Variants in GRIK1 observed in about 807,000 individuals in gnomAD.
GRIK1 encodes glutamate receptor ionotropic, kainate 1.
Under a neutral mutation model 105.7 loss-of-function variants are expected in GRIK1, and 69 were observed. The ratio of observed to expected loss-of-function variants is 0.65; its 90% CI spans 0.54 to 0.80. The LOEUF is 0.80. GRIK1 is among the 30% of genes least tolerant of loss of function. GRIK1 has a pLI of 0.00. For synonymous variants in GRIK1, 438 were observed against 431.3 expected, an observed-to-expected ratio of 1.02 and a Z score of -0.19; for missense variants, 1,109 against 1,167.3, an observed-to-expected ratio of 0.95 and a Z score of 0.73.
intron 1 of GRIK1, among the ~76,000 whole-genome samples, chr21:29,923,484 A>C (rs1054046767): frequency 2.0e-5 from 3 of 152,254 alleles, no homozygotes; most frequent in Admixed American, 2.0e-4. Context: ...TGAACTCAAA[A>C]TAGAGAAGTG....
intron 1 of GRIK1, among the ~76,000 whole-genome samples, chr21:29,908,713 T>C (rs1189379298): frequency 6.6e-6 from 1 of 152,208 alleles, no homozygotes; most frequent in Non-Finnish European, 1.5e-5. Context: ...AGTAAACAGG[T>C]AACCAGTATT....
intron 1 of GRIK1, among the ~76,000 whole-genome samples, chr21:29,776,524 T>A (rs1321230337): frequency 6.6e-6 from 1 of 152,246 alleles, no homozygotes; most frequent in South Asian, 2.1e-4. Flanking sequence ...TACACATCTC[T>A]GTAGCACCCC....
intron 15 of GRIK1, among the ~76,000 whole-genome samples, chr21:29,560,368 C>T (rs12233313): frequency 0.034 from 685 of 20,328 alleles, 9 homozygotes; most frequent in Admixed American, 0.049. Flanking sequence ...TTTCTTTCTT[C>T]CTTCCTTCCT....
intron 4 of GRIK1, among the ~76,000 whole-genome samples, chr21:29,665,921 G>A (rs975514460): frequency 6.6e-5 from 10 of 152,140 alleles, no homozygotes; most frequent in East Asian, 5.8e-4. Context: ...AGTCAAACAC[G>A]TAGCATATTA....
chr21:29,932,430 C>T (rs1952045784), intron 1 of GRIK1, among the ~76,000 whole-genome samples: 1 of 151,926 alleles, frequency 6.6e-6, no homozygotes, highest in South Asian at 2.1e-4. Context: ...AAATATTGTC[C>T]AAGTAACTTG....
At position 29,560,343 on chromosome 21, in the gene GRIK1, C is replaced by CTT. The variant is rs1568813068; in HGVS notation, c.2356+1279_2356+1280dup. ...TCTTTCTTTCTTTCTTTCTTTCTTT[C>CTT]TTTCTTTCTTTCTTTTTCTTTCTTC... On this transcript the variant is annotated intron_variant, in intron 15 of 17. Transcript: ENST00000327783. Among the ~76,000 whole-genome samples, 5 of 109,352 alleles carry CTT rather than the reference C, an allele frequency of 4.6e-5. 1 individual carries two copies. The highest frequency in any genetic ancestry group is 1.2e-4 in the African/African-American group (3 of 25,602). The allele number at this position is 109,352 out of a possible 152,430, so 71.7% of individuals were successfully genotyped here.
chr21:29,696,526 A>G (rs1160187486), intron 1 of GRIK1, among the ~76,000 whole-genome samples: 3 of 152,226 alleles, frequency 2.0e-5, no homozygotes, highest in Non-Finnish European at 4.4e-5. Context: ...AGATGATGCA[A>G]AAGACACTTG....
In GRIK1 at chr21:29,588,841, G is replaced by A. The variant is rs1346295351; in HGVS notation, c.1567C>T (p.His523Tyr). ...WNGMVKELID[H>Y]RADLAVAPLT... Reference sequence around the variant, plus strand: ...ATGTTAGAAATATTGTTACTTACGTGATCTATGAGTTCTTTAACCATCCCG... The same window carrying A: ...ATGTTAGAAATATTGTTACTTACGTAATCTATGAGTTCTTTAACCATCCCG... Residue 523 changes from histidine (H) to tyrosine (Y), a missense_variant and splice_region_variant, in exon 11 of 18, where the codon CAC becomes TAC. Around this residue, in one of 5 missense-constraint regions of GRIK1, gnomAD observed 54 missense variants for 88.1 expected, o/e 0.61. Coordinates refer to ENST00000327783, the MANE Select transcript of GRIK1 (RefSeq NM_001330994.2). 2.0e-6 allele frequency: 3 copies of A among 1,516,024 alleles called. No individual in the cohort carries two copies. The African/African-American group carries it at 4.1e-5, about 21-fold the overall frequency. The allele number at this position is 1,516,024 out of a possible 1,614,324, so 93.9% of individuals were successfully genotyped here.
intron 7 of GRIK1, among the ~76,000 whole-genome samples, chr21:29,632,781 A>G (rs547151023): frequency 3.6e-4 from 55 of 152,210 alleles, no homozygotes; most frequent in Non-Finnish European, 7.8e-4. Flanking sequence ...ATAAATATCA[A>G]TGTTATTTAG....
chr21:29,836,221 A>G (rs913010981), intron 1 of GRIK1, among the ~76,000 whole-genome samples: 2 of 152,204 alleles, frequency 1.3e-5, no homozygotes, highest in African/African-American at 4.8e-5. Context: ...AGAAAATTGT[A>G]TTATTTCTTT....
intron 1 of GRIK1, among the ~76,000 whole-genome samples, chr21:29,711,002 T>G (rs186061009): frequency 9.7e-4 from 147 of 152,208 alleles, no homozygotes; most frequent in African/African-American, 3.4e-3. Flanking sequence ...TTGGTTTTGA[T>G]TCTTGTTTTG....
intron 1 of GRIK1, among the ~76,000 whole-genome samples, chr21:29,778,993 C>T (rs760611841): frequency 2.0e-5 from 3 of 152,130 alleles, no homozygotes; most frequent in Admixed American, 6.5e-5. Flanking sequence ...TCTTCTATTT[C>T]GAATTGTGAG....
intron 1 of GRIK1, among the ~76,000 whole-genome samples, chr21:29,855,343 C>G (rs1440243765): frequency 6.6e-6 from 1 of 152,218 alleles, no homozygotes; most frequent in Non-Finnish European, 1.5e-5. Context: ...ACTACACAGT[C>G]TGTCTGCAAC....
At chr21:29,570,872 G>A (rs1476244316) in intron 14 of GRIK1, among the ~76,000 whole-genome samples, 2 of 151,260 alleles carry the variant, frequency 1.3e-5, no homozygotes, top group African/African-American at 4.9e-5. Flanking sequence ...ACAAAGTGAG[G>A]TAGAATCTCA....
At chr21:29,712,105 C>T (rs1041180612) in intron 1 of GRIK1, among the ~76,000 whole-genome samples, 34 of 151,432 alleles carry the variant, frequency 2.2e-4, no homozygotes, top group African/African-American at 8.2e-4. Flanking sequence ...CACACACACA[C>T]ACACACACAC....
At chr21:29,908,491 C>T (rs1035492875) in intron 1 of GRIK1, among the ~76,000 whole-genome samples, 1 of 152,086 alleles carries the variant, frequency 6.6e-6, no homozygotes, top group Non-Finnish European at 1.5e-5. Context: ...GCAGAGCGTA[C>T]CTTCAGGAGT....
chr21:29,665,116 C>A (rs1470970132), intron 4 of GRIK1, among the ~76,000 whole-genome samples: 1 of 152,186 alleles, frequency 6.6e-6, no homozygotes. Context: ...GTTTTTCTCG[C>A]TTCCCAATTC....
At position 29,537,394 on chromosome 21, in the gene GRIK1, C is replaced by T; in HGVS notation, c.2695-9G>A. The T allele has an allele frequency of 1.9e-6, 3 of 1,603,286 alleles. No individual in the cohort carries two copies. Among genetic ancestry groups the T allele is most frequent in the Admixed American group, 1.7e-5 (1 of 58,728 alleles). On this transcript the variant is annotated splice_polypyrimidine_tract_variant and intron_variant, in intron 17 of 17. Coordinates refer to ENST00000327783, the MANE Select transcript of GRIK1 (RefSeq NM_001330994.2). ...GCGTTGAAAGAGAGACACTAGGGAA[C>T]ATGAGATACAGACCATCAGCTTAAT...
chr21:29,641,653 C>G (rs1362642192), intron 7 of GRIK1, among the ~76,000 whole-genome samples: 1 of 152,150 alleles, frequency 6.6e-6, no homozygotes, highest in East Asian at 1.9e-4. Context: ...CGAGAATTTC[C>G]TCTTAATCTT....
Sources: allele counts gnomAD v4.1 joint callset (sites outside exome capture counted in the v4.1 genomes callset), GRCh38; gene constraint gnomAD v4.1.1; regional missense constraint gnomAD v4.1.1; transcripts MANE v1.5; gene names NCBI Gene and HGNC (gene_info 2026-07-23, HGNC 2026-07-21).